Variants in TMEM255A observed in about 807,000 individuals in gnomAD.
TMEM255A encodes family with sequence similarity 70, member A.
A neutral mutation model predicts 23.5 loss-of-function variants in TMEM255A; 14 were observed. That is an observed-to-expected ratio of 0.60 (90% CI 0.39 to 0.93). The LOEUF (loss-of-function observed/expected upper bound fraction) is 0.93, where lower values mean the gene tolerates loss of function less well. Ranked by LOEUF, TMEM255A falls within the 40% of genes least tolerant of loss-of-function variation. TMEM255A has a pLI of 0.00. For missense variants in TMEM255A, 233 were observed against 261.7 expected (o/e 0.89, Z 0.76); for synonymous variants, 104 against 100.3 (o/e 1.04, Z -0.22).
the TMEM255A span, among the ~76,000 whole-genome samples, chrX:120,251,731 T>A: frequency 8.9e-6 from 1 of 112,260 alleles, no homozygotes; most frequent in Admixed American, 9.4e-5. Flanking sequence ...TGGAATGGCT[T>A]TTCCACAGTC....
downstream of TMEM255A, chrX:120,253,970 T>C (rs2057617357): frequency 2.6e-6 from 3 of 1,176,308 alleles, no homozygotes; most frequent in Admixed American, 2.3e-5. Flanking sequence ...AGATCATTGT[T>C]ACCGATTCTG....
At chrX:120,285,056 C>T (rs2057863696) in intron 6 of TMEM255A, 71 bp downstream of exon 6, 3 of 940,304 alleles carry the variant, frequency 3.2e-6, no homozygotes, top group Non-Finnish European at 4.6e-6. Context: ...ATGCACCCTT[C>T]CTTAACCTCA....
At chrX:120,309,870 G>T (rs1237187674) in intron 1 of TMEM255A, 1 of 111,658 alleles carries the variant, frequency 9.0e-6, no homozygotes, top group Admixed American at 9.4e-5. Context: ...TTTGTACCCC[G>T]TTGTAAATAA....
At chrX:120,298,186 T>A (rs1376906194) in intron 2 of TMEM255A, among the ~76,000 whole-genome samples, 1 of 111,695 alleles carries the variant, frequency 9.0e-6, no homozygotes, top group Non-Finnish European at 1.9e-5. Context: ...CTATGCCTGT[T>A]CCCATTCACT....
intron 2 of TMEM255A, among the ~76,000 whole-genome samples, chrX:120,298,929 G>A (rs1603403780): frequency 9.1e-6 from 1 of 110,384 alleles, no homozygotes; most frequent in Non-Finnish European, 1.9e-5. Context: ...TTCTAGGCAT[G>A]AGGAAAAAAT....
chrX:120,254,553 C>A, downstream of TMEM255A: 1 of 1,211,516 alleles, frequency 8.3e-7, no homozygotes. Context: ...GATTCCTACA[C>A]TTCTTCAAGA....
At chrX:120,286,143 T>TCAAAAAA (rs1274484288) in intron 5 of TMEM255A, among the ~76,000 whole-genome samples, 1 of 112,185 alleles carries the variant, frequency 8.9e-6, no homozygotes, top group African/African-American at 3.2e-5. Flanking sequence ...AGGAGTCAAG[T>TCAAAAAA]GGATGGCAGA....
At chrX:120,254,562 G>C, downstream of TMEM255A, 1 of 1,211,306 alleles carries the variant, frequency 8.3e-7, no homozygotes, top group Non-Finnish European at 1.1e-6. Context: ...ACTTCTTCAA[G>C]AACCACTTTC....
Position 120,268,390 on chromosome X carries a change from G to A in TMEM255A, c.676-3C>T. 1.7e-6 allele frequency: 2 copies of A among 1,189,578 alleles called. No individual in the cohort carries two copies. Among genetic ancestry groups the A allele is most frequent in the Non-Finnish European group, 2.3e-6 (2 of 885,176 alleles). ...TTCAGTGCTGGGAGAGTTGGGTTCT[G>A]TAGAAAAACACAAATTAGAAACAAC... is the stretch of plus-strand genomic sequence containing the variant. On this transcript the variant is annotated splice_polypyrimidine_tract_variant and splice_region_variant and intron_variant, in intron 7 of 8. Transcript: ENST00000371369.
At chrX:120,264,857 G>A (rs374182839) in intron 8 of TMEM255A, among the ~76,000 whole-genome samples, 10 of 105,792 alleles carry the variant, frequency 9.5e-5, no homozygotes, top group East Asian at 8.7e-4. Context: ...ATAAGCAGAC[G>A]TTTCCTGCCC....
At chrX:120,271,175 AT>A (rs1181306597) in intron 7 of TMEM255A, among the ~76,000 whole-genome samples, 2 of 111,952 alleles carry the variant, frequency 1.8e-5, no homozygotes, top group Admixed American at 9.4e-5. Flanking sequence ...CTTGCTTTTA[AT>A]TTTTTAATTA....
the TMEM255A span, among the ~76,000 whole-genome samples, chrX:120,252,199 A>T: frequency 3.0e-4 from 33 of 111,600 alleles, no homozygotes; most frequent in Non-Finnish European, 2.4e-4. Flanking sequence ...CCTGTATATA[A>T]CTTAAGCATT....
intron 4 of TMEM255A, among the ~76,000 whole-genome samples, chrX:120,290,241 A>G (rs782150145): frequency 3.6e-5 from 4 of 112,162 alleles, no homozygotes; most frequent in South Asian, 7.4e-4. Context: ...GGAAGAGGGG[A>G]AAAAAGGAAG....
At chrX:120,269,388 A>G (rs1481911369) in intron 7 of TMEM255A, among the ~76,000 whole-genome samples, 1 of 111,909 alleles carries the variant, frequency 8.9e-6, no homozygotes, top group African/African-American at 3.3e-5. Flanking sequence ...TCCCCCATTC[A>G]TGTGTATAAT....
At chrX:120,274,619 C>G (rs919728041) in intron 7 of TMEM255A, among the ~76,000 whole-genome samples, 1 of 111,763 alleles carries the variant, frequency 8.9e-6, no homozygotes, top group Non-Finnish European at 1.9e-5. Context: ...CCAATTCTTT[C>G]CATCACCATG....
chrX:120,284,221 C>G (rs1355073472), intron 6 of TMEM255A, among the ~76,000 whole-genome samples: 2 of 112,112 alleles, frequency 1.8e-5, no homozygotes, highest in Admixed American at 9.4e-5. Context: ...CTTTACTAGT[C>G]TACGAGCTCT....
intron 2 of TMEM255A, among the ~76,000 whole-genome samples, chrX:120,302,511 C>A (rs1337687649): frequency 1.9e-5 from 2 of 104,828 alleles, no homozygotes; most frequent in Non-Finnish European, 3.9e-5. Context: ...CCCGACCCCC[C>A]ACCGGCTTTG....
intron 1 of TMEM255A, among the ~76,000 whole-genome samples, chrX:120,310,286 C>T (rs1012183068): frequency 1.8e-5 from 2 of 112,053 alleles, no homozygotes; most frequent in Non-Finnish European, 3.8e-5. Flanking sequence ...TTTCTCCGCC[C>T]AGTGAAATCA....
the TMEM255A span, chrX:120,252,717 T>G: frequency 8.9e-6 from 1 of 111,885 alleles, no homozygotes; most frequent in African/African-American, 3.3e-5. Flanking sequence ...CTCTGGAAAT[T>G]GTAAAGATGG....
Sources: gnomAD v4.1 joint callset for allele counts (sites outside exome capture counted in the v4.1 genomes callset) on GRCh38, gnomAD v4.1.1 for gene constraint, MANE v1.5 for transcripts, NCBI Gene and HGNC (gene_info 2026-07-23, HGNC 2026-07-21) for gene names.